The following CFAP46 variants were observed in gnomAD, a reference collection of about 807,000 sequenced individuals.
CFAP46 encodes the protein cilia and flagella associated protein 46.
CFAP46 carries 245 observed loss-of-function variants against 325.7 expected under a neutral mutation model. The ratio of observed to expected loss-of-function variants is 0.75; its 90% confidence interval spans 0.68 to 0.84. The LOEUF (loss-of-function observed/expected upper bound fraction) is 0.84. CFAP46 is among the 40% of genes least tolerant of loss of function. The pLI is 0.00. For synonymous variants in CFAP46, 1,523 were observed against 1,495.9 expected, an observed-to-expected ratio of 1.02 and a Z score of -0.42; for missense variants, 3,346 against 3,543.0, an observed-to-expected ratio of 0.94 and a Z score of 1.41.
At chr10:132,881,285 A>G (rs1849039202) in intron 27 of CFAP46, among the ~76,000 whole-genome samples, 1 of 151,940 alleles carries the variant, frequency 6.6e-6, no homozygotes. Context: ...CCGTCTCCTC[A>G]CCCTTTGCAG....
At chr10:132,850,748 C>T (rs2135138676) in intron 40 of CFAP46, among the ~76,000 whole-genome samples, 1 of 152,258 alleles carries the variant, frequency 6.6e-6, no homozygotes, top group Non-Finnish European at 1.5e-5. Context: ...ATGTATATTT[C>T]CCTCAAAACA....
At chr10:132,912,861 G>A (rs1200700163) in intron 18 of CFAP46, 41 bp from the exon 19 acceptor site, 1 of 1,542,862 alleles carries the variant, frequency 6.5e-7, no homozygotes, top group African/African-American at 1.4e-5. Context: ...GGCCCCCGCA[G>A]GCCTCGCCCC....
chr10:132,881,540 G>A (rs1849042805), intron 27 of CFAP46, among the ~76,000 whole-genome samples: 3 of 152,208 alleles, frequency 2.0e-5, no homozygotes, highest in Non-Finnish European at 4.4e-5. Context: ...CATCGCTACA[G>A]AATTGTATGA....
In CFAP46 at chr10:132,865,556, G is replaced by A. The variant is rs960720054; in HGVS notation, c.4890+469C>T. Among the ~76,000 whole-genome samples the A allele has an allele frequency of 5.3e-5, 8 of 152,226 alleles. No individual in the cohort carries two copies. The South Asian group carries it at 1.7e-3, about 32-fold the overall frequency. On this transcript the variant is annotated intron_variant, in intron 35 of 57. Coordinates refer to ENST00000368586, the MANE Select transcript of CFAP46 (RefSeq NM_001200049.3). Reference sequence around the variant, plus strand: ...CCGGGGCTTTCGCTGGGGACCGTAAGGGTCCCATCCAGGGAGTGAGAGCAA... The same window carrying A: ...CCGGGGCTTTCGCTGGGGACCGTAAAGGTCCCATCCAGGGAGTGAGAGCAA...
At chr10:132,900,319 T>A (rs1013843777) in intron 22 of CFAP46, among the ~76,000 whole-genome samples, 4 of 152,176 alleles carry the variant, frequency 2.6e-5, no homozygotes, top group African/African-American at 9.7e-5. Context: ...AACAGCAGCA[T>A]CAGCTCCACG....
intron 50 of CFAP46, among the ~76,000 whole-genome samples, chr10:132,822,698 T>C (rs1266620245): frequency 1.4e-5 from 2 of 138,650 alleles, no homozygotes; most frequent in Non-Finnish European, 1.5e-5. Context: ...TGATGTGTGC[T>C]GTGTGAGTGC....
At chr10:132,833,967 T>C in intron 49 of CFAP46, 74 bp downstream of exon 49, 1 of 1,403,808 alleles carries the variant, frequency 7.1e-7, no homozygotes, top group Non-Finnish European at 1.0e-6. Context: ...CCCGGATGGG[T>C]GGGTGGATCC....
intron 22 of CFAP46, 76 bp from the exon 23 acceptor site, chr10:132,899,742 G>T: frequency 6.8e-7 from 1 of 1,467,036 alleles, no homozygotes; most frequent in South Asian, 1.4e-5. Flanking sequence ...TCACTGTCTT[G>T]AACTGTGGAC....
Position 132,938,754 on chromosome 10 carries a change from C to G in CFAP46, c.372-1G>C. ...TGCATTGTACACCAAAAAGTAGTAC[C>G]TGCGGCGCGAGCAGAGGAAGCAGAG... is the stretch of plus-strand genomic sequence containing the variant. On this transcript the variant is annotated splice_acceptor_variant, in intron 4 of 57. Coordinates refer to ENST00000368586, the MANE Select transcript of CFAP46 (RefSeq NM_001200049.3). LOFTEE classifies it high-confidence loss of function. 2 of 1,610,868 alleles carry G rather than the reference C, an allele frequency of 1.2e-6. No individual in the cohort carries two copies. Among genetic ancestry groups the G allele is most frequent in the East Asian group, 2.2e-5 (1 of 44,810 alleles).
intron 44 of CFAP46, among the ~76,000 whole-genome samples, chr10:132,837,931 A>ATGCTCGGACACAGACACGCACGTG (rs1848291319): frequency 7.0e-6 from 1 of 142,216 alleles, no homozygotes. Context: ...ACACGCAGAC[A>ATGCTCGGACACAGACACGCACGTG]TGCACGGACA....
Position 132,878,015 on chromosome 10 carries a change from A to T in CFAP46, c.4078T>A (p.Leu1360Met). The T allele has an allele frequency of 6.5e-7, 1 of 1,543,736 alleles. No homozygotes were observed. Among genetic ancestry groups the T allele is most frequent in the African/African-American group, 1.4e-5 (1 of 72,906 alleles). ...PLAATSSHLL[L>M]PKKEKENERS... ...TCATTCTCCTTCTCTTTTTTAGGCA[A>T]TAACAGATGTGAGCTGGTTGCTGCC... Residue 1360 changes from leucine (L) to methionine (M), a missense_variant, in exon 30 of 58, where the codon TTG becomes ATG. Physicochemically the swap from Leu to Met is conservative, Grantham distance 15. Coordinates refer to ENST00000368586, the MANE Select transcript of CFAP46 (RefSeq NM_001200049.3).
At position 132,938,712 on chromosome 10, in the gene CFAP46, T is replaced by C. The variant is rs200709632; in HGVS notation, c.413A>G (p.Gln138Arg). Reference sequence around the variant, plus strand: ...AGGCTTGAGGAACGGCCTCACCATCTGCCAGTAGAGGACTGATGCATTGTA... The same window carrying C: ...AGGCTTGAGGAACGGCCTCACCATCCGCCAGTAGAGGACTGATGCATTGTA... ...LVYNASVLYW[Q>R]MVRPFLKPGY... The change falls in exon 5 of 58, where the codon CAG becomes CGG. Residue 138 changes from glutamine to arginine, a missense_variant. Gln to Arg is a conservative substitution (Grantham distance 43). Transcript: ENST00000368586. The C allele has an allele frequency of 3.2e-4, 509 of 1,613,618 alleles. 4 individuals are homozygous for C. The East Asian group carries it at 7.4e-3, about 23-fold the overall frequency.
At position 132,808,767 on chromosome 10, in the gene CFAP46, G is replaced by C; in HGVS notation, c.7802C>G (p.Ser2601Ter). 1 of 1,590,754 alleles carries C rather than the reference G, an allele frequency of 6.3e-7. No individual in the cohort carries two copies. The highest frequency in any genetic ancestry group is 8.6e-7 in the Non-Finnish European group (1 of 1,168,898). The change falls in exon 58 of 58, where the codon TCA becomes TGA. Residue 2601 changes from serine (S) to a stop codon, truncating the protein, a stop_gained. Coordinates refer to ENST00000368586, the MANE Select transcript of CFAP46 (RefSeq NM_001200049.3). LOFTEE classifies it low-confidence loss of function (END_TRUNC). The surrounding 1 kb of genome is among the most constrained non-coding windows in gnomAD (Gnocchi z 6.8). ...GGCAAGTGCTGGGGCCCCAGCAGCT[G>C]ATGGGAGGCAGGTCCAGGCCTGCAC... ...RVVQAWTCLPSAAGAPALASA... is the reference protein window; with the variant it reads ...RVVQAWTCLP
At chr10:132,826,124 AGCC>A (rs1848043291) in intron 50 of CFAP46, among the ~76,000 whole-genome samples, 1 of 123,994 alleles carries the variant, frequency 8.1e-6, no homozygotes, top group African/African-American at 3.0e-5. Flanking sequence ...GCCAGGCAGG[AGCC>A]GGAGCCACAG....
chr10:132,829,365 A>T (rs1447226957), intron 50 of CFAP46, among the ~76,000 whole-genome samples: 1 of 152,254 alleles, frequency 6.6e-6, no homozygotes, highest in South Asian at 2.1e-4. Context: ...ATAGTTAGTT[A>T]TATAGAAATG....
At chr10:132,912,516 T>G in intron 19 of CFAP46, 139 bp downstream of exon 19, 1 of 807,790 alleles carries the variant, frequency 1.2e-6, no homozygotes. Context: ...TCCTCTCCTC[T>G]CTCTCTCTTC....
rs144352271 is a variant in CFAP46, at chr10:132,933,255, CTGGCA to C, written c.866+1492_866+1496del. 8.1e-3 allele frequency among the ~76,000 whole-genome samples: 1,237 copies of C among 152,332 alleles called. 17 individuals are homozygous for C. Among genetic ancestry groups the C allele is most frequent in the African/African-American group, 0.028 (1,165 of 41,580 alleles). ...TGGGCCCTCTCAGGTCCTGGCAGGC[CTGGCA>C]TCACAACACTGGCCTCTCCGTCCTA... On this transcript the variant is annotated intron_variant, in intron 8 of 57. Transcript: ENST00000368586.
chr10:132,941,124 C>A (rs1271484360), intron 3 of CFAP46, 64 bp from the exon 4 acceptor site: 1 of 1,533,616 alleles, frequency 6.5e-7, no homozygotes, highest in African/African-American at 1.4e-5. Flanking sequence ...GCCCCATCTG[C>A]GGATGCCACG....
At chr10:132,857,269 G>A (rs1226735246) in intron 39 of CFAP46, among the ~76,000 whole-genome samples, 1 of 152,198 alleles carries the variant, frequency 6.6e-6, no homozygotes, top group Non-Finnish European at 1.5e-5. Context: ...TCTGTCCCAT[G>A]AGTGGCAGTG....
Sources: allele counts gnomAD v4.1 joint callset (sites outside exome capture counted in the v4.1 genomes callset), GRCh38; gene constraint gnomAD v4.1.1; non-coding constraint Gnocchi (gnomAD v3.1); transcripts MANE v1.5; gene names NCBI Gene and HGNC (gene_info 2026-07-23, HGNC 2026-07-21).